The following SND1 variants were observed in gnomAD, a reference collection of about 807,000 sequenced individuals.
SND1 encodes the protein staphylococcal nuclease domain-containing protein 1.
A neutral mutation model predicts 121.7 loss-of-function variants in SND1; 38 were observed. That is an observed-to-expected ratio of 0.31 (90% confidence interval 0.24 to 0.41). The LOEUF (loss-of-function observed/expected upper bound fraction) is 0.41. SND1 is among the 10% of genes least tolerant of loss of function. SND1 has a pLI of 1.00. For missense variants in SND1, 868 were observed against 1,184.6 expected (o/e 0.73, Z 3.92); for synonymous variants, 401 against 447.4 (o/e 0.90, Z 1.31).
chr7:127,793,813 C>T (rs998075583), intron 10 of SND1, among the ~76,000 whole-genome samples: 1 of 152,140 alleles, frequency 6.6e-6, no homozygotes, highest in Non-Finnish European at 1.5e-5. Context: ...CCCCTCCACC[C>T]TCACCTGACT....
At chr7:127,967,342 G>A (rs1041682909) in intron 15 of SND1, among the ~76,000 whole-genome samples, 1 of 152,220 alleles carries the variant, frequency 6.6e-6, no homozygotes, top group African/African-American at 2.4e-5. Context: ...GTTCGTGGCA[G>A]GGATGGGGGT....
chr7:127,676,953 G>A (rs1795627659), intron 1 of SND1, among the ~76,000 whole-genome samples: 1 of 152,172 alleles, frequency 6.6e-6, no homozygotes, highest in Non-Finnish European at 1.5e-5. Flanking sequence ...TCTTGGCCAG[G>A]CTGGTCTCGA....
intron 11 of SND1, among the ~76,000 whole-genome samples, chr7:127,812,376 T>C (rs2116585780): frequency 6.6e-6 from 1 of 152,350 alleles, no homozygotes; most frequent in South Asian, 2.1e-4. Flanking sequence ...GAGATGTCCC[T>C]GTGAAGTTGT....
Position 127,686,602 on chromosome 7 carries a change from C to G in SND1, c.79-11C>G. 6.2e-7 allele frequency: 1 copy of G among 1,611,696 alleles called. No individual in the cohort carries two copies. Among genetic ancestry groups the G allele is most frequent in the Non-Finnish European group, 8.5e-7 (1 of 1,178,372 alleles). The stretch of plus-strand genomic sequence containing the variant: ...TGGACCATTCATTTTCTCTTTCTTC[C>G]CCCTACGTAGGTCCTCTCAGGGTGC... On this transcript the variant is annotated splice_polypyrimidine_tract_variant and intron_variant, in intron 1 of 23. Transcript: ENST00000354725.
At chr7:127,851,830 C>T (rs1228541894) in intron 12 of SND1, among the ~76,000 whole-genome samples, 1 of 152,172 alleles carries the variant, frequency 6.6e-6, no homozygotes, top group Non-Finnish European at 1.5e-5. Context: ...CAATTTGTCT[C>T]TAATATCTCT....
intron 14 of SND1, among the ~76,000 whole-genome samples, chr7:127,909,426 T>C (rs1800409838): frequency 6.6e-6 from 1 of 152,136 alleles, no homozygotes; most frequent in Non-Finnish European, 1.5e-5. Context: ...TGACTGATTT[T>C]GTTAGAAATA....
At chr7:127,881,416 T>G (rs1584638143) in intron 12 of SND1, among the ~76,000 whole-genome samples, 2 of 152,154 alleles carry the variant, frequency 1.3e-5, no homozygotes. Context: ...GAGTTTACCC[T>G]CAGCCCCTAT....
intron 16 of SND1, chr7:127,997,766 A>G (rs1480873606): frequency 7.5e-6 from 4 of 534,658 alleles, no homozygotes; most frequent in Non-Finnish European, 1.5e-5. Flanking sequence ...GCAGTTCACC[A>G]TATATACCAT....
intron 1 of SND1, among the ~76,000 whole-genome samples, chr7:127,666,541 T>G (rs192832121): frequency 2.6e-5 from 4 of 152,248 alleles, no homozygotes; most frequent in Admixed American, 2.6e-4. Context: ...ATCTCTGCTT[T>G]ATATGTTAAA....
intron 16 of SND1, among the ~76,000 whole-genome samples, chr7:127,992,874 A>G (rs944471758): frequency 6.6e-6 from 1 of 152,174 alleles, no homozygotes; most frequent in East Asian, 1.9e-4. Context: ...TATATTTGCT[A>G]ATACCTGACT....
At chr7:127,653,690 G>C (rs1311694808) in intron 1 of SND1, among the ~76,000 whole-genome samples, 1 of 152,140 alleles carries the variant, frequency 6.6e-6, no homozygotes, top group Non-Finnish European at 1.5e-5. Context: ...AGATTAAAAT[G>C]TTCTGCAGCT....
At chr7:127,944,914 C>T (rs1239214535) in intron 15 of SND1, among the ~76,000 whole-genome samples, 1 of 152,180 alleles carries the variant, frequency 6.6e-6, no homozygotes, top group Admixed American at 6.5e-5. Context: ...TATGCTGAAA[C>T]CAGTGTTACA....
chr7:127,721,510 CA>C, intron 10 of SND1, 110 bp downstream of exon 10: 1 of 577,038 alleles, frequency 1.7e-6, no homozygotes, highest in Non-Finnish European at 3.1e-6. Flanking sequence ...TGCAAAGGGA[CA>C]AGTATTTTAA....
rs1278843217 is a variant in SND1 at position 127,864,824 on chromosome 7, A to G, written c.1343+20400A>G. 4.6e-5 allele frequency among the ~76,000 whole-genome samples: 7 copies of G among 152,302 alleles called. No individual in the cohort carries two copies. In the East Asian group the frequency reaches 9.7e-4, roughly 21 times the overall value. On this transcript the variant is annotated intron_variant, in intron 12 of 23. Coordinates refer to ENST00000354725, the MANE Select transcript of SND1 (RefSeq NM_014390.4). ...AGCTGCATTCCCACTCCTGAATAAA[A>G]TGGGTTAGGAAAGCTTCTCATTGGC...
chr7:128,003,415 C>A (rs1802884080), intron 16 of SND1, among the ~76,000 whole-genome samples: 1 of 152,098 alleles, frequency 6.6e-6, no homozygotes, highest in Admixed American at 6.5e-5. Context: ...TCCTCTTCTC[C>A]CCTTTCCCTT....
At chr7:128,086,759 T>C in intron 20 of SND1, 179 bp from the exon 21 acceptor site, 1 of 642,394 alleles carries the variant, frequency 1.6e-6, no homozygotes. Flanking sequence ...GCAGGGCACG[T>C]TCTCTCCAGG....
intron 16 of SND1, among the ~76,000 whole-genome samples, chr7:127,994,634 C>G (rs1046224291): frequency 1.4e-5 from 2 of 139,738 alleles, no homozygotes; most frequent in African/African-American, 5.4e-5. Flanking sequence ...GTATTTAGGA[C>G]AGGTGGGCAA....
chr7:127,661,621 C>T (rs1041967923), intron 1 of SND1, among the ~76,000 whole-genome samples: 5 of 152,080 alleles, frequency 3.3e-5, no homozygotes, highest in Admixed American at 6.6e-5. Context: ...TCAGGTCTTA[C>T]GAAGTCCTTA....
intron 12 of SND1, among the ~76,000 whole-genome samples, chr7:127,886,185 T>C (rs17675445): frequency 0.017 from 2,555 of 152,180 alleles, 37 homozygotes; most frequent in South Asian, 0.041. Flanking sequence ...CGTGGCAGTT[T>C]GGAGATATTA....
Sources: gnomAD v4.1 joint callset for allele counts (sites outside exome capture counted in the v4.1 genomes callset) on GRCh38, gnomAD v4.1.1 for gene constraint, MANE v1.5 for transcripts, NCBI Gene and HGNC (gene_info 2026-07-23, HGNC 2026-07-21) for gene names.